Variants in MAST4 observed in about 807,000 individuals in gnomAD.
MAST4 encodes microtubule associated serine/threonine kinase family member 4, also known as microtubule-associated serine/threonine-protein kinase 4.
MAST4 carries 89 observed loss-of-function variants against 162.7 expected under a neutral mutation model. The ratio of observed to expected loss-of-function variants is 0.55; its 90% CI spans 0.46 to 0.65. The LOEUF (loss-of-function observed/expected upper bound fraction) is 0.65. Ranked by LOEUF, MAST4 falls within the 30% of genes least tolerant of loss-of-function variation. MAST4 has a pLI of 0.00. For missense variants in MAST4, 3,153 were observed against 3,374.0 expected (o/e 0.93, Z 1.62); for synonymous variants, 1,479 against 1,361.1 (o/e 1.09, Z -1.91).
chr5:66,620,081 AG>A (rs373749773), intron 1 of MAST4, among the ~76,000 whole-genome samples: 2 of 148,324 alleles, frequency 1.3e-5, no homozygotes, highest in African/African-American at 5.0e-5. Flanking sequence ...GAGTAAGGAA[AG>A]GGATAGTACT....
intron 3 of MAST4, among the ~76,000 whole-genome samples, chr5:66,810,232 T>A (rs950678): frequency 0.045 from 6,927 of 152,292 alleles, 231 homozygotes; most frequent in South Asian, 0.13. Flanking sequence ...TGTTGTGTTG[T>A]ATTAAATGAT....
chr5:66,608,048 A>G (rs67527694), intron 1 of MAST4, among the ~76,000 whole-genome samples: 32,633 of 149,166 alleles, frequency 0.22, 4,019 homozygotes, highest in East Asian at 0.34. Context: ...ATCACCTCAC[A>G]TGCTTACTTT....
At chr5:67,065,301 T>C (rs575126097) in intron 5 of MAST4, among the ~76,000 whole-genome samples, 1 of 152,296 alleles carries the variant, frequency 6.6e-6, no homozygotes, top group Non-Finnish European at 1.5e-5. Flanking sequence ...ACAGTTTCGG[T>C]GACCGTCACA....
At chr5:66,676,493 A>G (rs1460206327) in intron 1 of MAST4, among the ~76,000 whole-genome samples, 1 of 152,210 alleles carries the variant, frequency 6.6e-6, no homozygotes, top group Non-Finnish European at 1.5e-5. Context: ...GAAAATTTTA[A>G]TATCTTCATG....
At chr5:66,774,522 G>T (rs1016999429) in intron 2 of MAST4, among the ~76,000 whole-genome samples, 4 of 152,024 alleles carry the variant, frequency 2.6e-5, no homozygotes, top group African/African-American at 7.2e-5. Flanking sequence ...TGTTACTTTT[G>T]CTGACTCTTC....
chr5:66,738,025 T>A (rs751601402), intron 1 of MAST4: 7 of 152,202 alleles, frequency 4.6e-5, no homozygotes, highest in African/African-American at 9.7e-5. Flanking sequence ...TTATGCTGGA[T>A]GAGCTGTGCA....
intron 1 of MAST4, among the ~76,000 whole-genome samples, chr5:66,615,279 G>A (rs1743594505): frequency 6.6e-6 from 1 of 152,158 alleles, no homozygotes; most frequent in African/African-American, 2.4e-5. Context: ...TGAGGCAACA[G>A]AGGACACTGG....
intron 4 of MAST4, chr5:66,917,079 C>T: frequency 1.4e-6 from 1 of 716,324 alleles, no homozygotes; most frequent in Non-Finnish European, 2.6e-6. Flanking sequence ...AAATCACCTT[C>T]ACCCATAAGA....
rs767329795 is a variant in MAST4 at position 67,167,079 on chromosome 5, G to A, written c.*28G>A. ...GGGAGGGCCCAGGGGCAGGACTGTG[G>A]AGACCCGTCCTGAACGGGCGACTGT... On this transcript the variant is annotated 3_prime_UTR_variant, in exon 29 of 29. Coordinates refer to ENST00000403625, the MANE Select transcript of MAST4 (RefSeq NM_001164664.2). The A allele has an allele frequency of 5.2e-6, 8 of 1,536,920 alleles. No homozygotes were observed. Among genetic ancestry groups the A allele is most frequent in the Non-Finnish European group, 7.0e-6 (8 of 1,141,528 alleles).
chr5:66,932,514 T>C (rs1742292957), intron 4 of MAST4, among the ~76,000 whole-genome samples: 1 of 152,162 alleles, frequency 6.6e-6, no homozygotes, highest in South Asian at 2.1e-4. Context: ...AAAAACGATA[T>C]GAGATAAACA....
intron 1 of MAST4, among the ~76,000 whole-genome samples, chr5:66,751,181 C>G (rs897817515): frequency 2.0e-5 from 3 of 152,030 alleles, no homozygotes; most frequent in Non-Finnish European, 4.4e-5. Flanking sequence ...GTAGATAAAA[C>G]CACAAAGATG....
At chr5:66,654,553 G>T (rs1318716600) in intron 1 of MAST4, among the ~76,000 whole-genome samples, 1 of 152,170 alleles carries the variant, frequency 6.6e-6, no homozygotes, top group African/African-American at 2.4e-5. Context: ...GCACAGAGGA[G>T]ATAGGAGAAA....
chr5:66,821,222 G>A (rs1187085601), intron 3 of MAST4, among the ~76,000 whole-genome samples: 1 of 152,206 alleles, frequency 6.6e-6, no homozygotes, highest in Non-Finnish European at 1.5e-5. Context: ...ACTTTCCCTG[G>A]AAGGCAGACT....
intron 3 of MAST4, among the ~76,000 whole-genome samples, chr5:66,811,908 A>G (rs565330127): frequency 1.3e-5 from 2 of 152,352 alleles, no homozygotes; most frequent in Admixed American, 1.3e-4. Context: ...TTAGGAATCA[A>G]TACTGGAATT....
rs1561576784 is a variant in MAST4, at chr5:67,049,063, A to ATATATATACG, written c.675-5333_675-5332insCGTATATATA. ...TATACGTGTATATATATATATACGT[A>ATATATATACG]TATATATATATATATACACTACCAT... On this transcript the variant is annotated intron_variant, in intron 4 of 28. Transcript: ENST00000403625. Among the ~76,000 whole-genome samples the ATATATATACG allele has an allele frequency of 8.0e-3, 788 of 98,506 alleles. 35 individuals are homozygous for ATATATATACG. The highest frequency in any genetic ancestry group is 0.032 in the African/African-American group (735 of 23,266). 64.6% of individuals were successfully genotyped at this position (98,506 alleles called of 152,430 possible).
chr5:67,142,409 A>T lies in MAST4; in HGVS notation c.2618-12A>T. 1 of 1,578,790 alleles carries T rather than the reference A, an allele frequency of 6.3e-7. No homozygotes were observed. Among genetic ancestry groups the T allele is most frequent in the Non-Finnish European group, 8.6e-7 (1 of 1,158,974 alleles). ...TGAGTAATTGGACCTGTTCCCAAAC[A>T]TTTCACTGCAGCTCGGTCTGAGAAG... On this transcript the variant is annotated splice_polypyrimidine_tract_variant and intron_variant, in intron 20 of 28. Coordinates refer to ENST00000403625, the MANE Select transcript of MAST4 (RefSeq NM_001164664.2).
chr5:66,764,875 C>T (rs1048495412), intron 2 of MAST4, among the ~76,000 whole-genome samples: 3 of 152,130 alleles, frequency 2.0e-5, no homozygotes, highest in Non-Finnish European at 4.4e-5. Context: ...CTAAAGTCTA[C>T]GGTGATGTCC....
Position 66,828,738 on chromosome 5 carries a change from G to C in MAST4, c.642+39944G>C. On this transcript the variant is annotated intron_variant, in intron 3 of 28. Coordinates refer to ENST00000403625, the MANE Select transcript of MAST4 (RefSeq NM_001164664.2). ...TCCGGGCTCCAATCAGCTAGAGCGT[G>C]ATGTAAGTGTTTAGCAGCTGCCGGG... 2.0e-6 allele frequency: 3 copies of C among 1,520,018 alleles called. No homozygotes were observed. In the Admixed American group the frequency reaches 5.9e-5, roughly 30 times the overall value. The allele number at this position is 1,520,018 out of a possible 1,614,324, so 94.2% of individuals were successfully genotyped here.
intron 10 of MAST4, among the ~76,000 whole-genome samples, chr5:67,109,542 T>C (rs1765980579): frequency 6.6e-6 from 1 of 152,152 alleles, no homozygotes; most frequent in Non-Finnish European, 1.5e-5. Flanking sequence ...GGATAAAGGA[T>C]ACCCAACTGG....
Sources: gnomAD v4.1 joint callset for allele counts (sites outside exome capture counted in the v4.1 genomes callset) on GRCh38, gnomAD v4.1.1 for gene constraint, MANE v1.5 for transcripts, NCBI Gene and HGNC (gene_info 2026-07-23, HGNC 2026-07-21) for gene names.